Variants in CILK1 observed in about 807,000 individuals in gnomAD.
CILK1 encodes the protein serine/threonine-protein kinase ICK.
CILK1 carries 47 observed loss-of-function variants against 79.2 expected under a neutral mutation model. The ratio of observed to expected loss-of-function variants is 0.59; its 90% confidence interval spans 0.47 to 0.76. CILK1 has a LOEUF of 0.76. Ranked by LOEUF, CILK1 falls within the 30% of genes least tolerant of loss-of-function variation. The probability of loss-of-function intolerance (pLI) is 0.00; values close to 1 mark genes in which losing one functional copy is unlikely to be tolerated. For missense variants in CILK1, 660 were observed against 769.5 expected, an observed-to-expected ratio of 0.86 and a Z score of 1.68; for synonymous variants, 266 against 275.9, an observed-to-expected ratio of 0.96 and a Z score of 0.36.
In CILK1 at chr6:53,020,037, T is replaced by C. The variant is rs183061311; in HGVS notation, c.359-678A>G. On this transcript the variant is annotated intron_variant, in intron 5 of 13. Coordinates refer to ENST00000676107, the MANE Select transcript of CILK1 (RefSeq NM_014920.5). The stretch of plus-strand genomic sequence containing the variant: ...CAGAAACACAATTATAATTTTTGTT[T>C]AAGAAATAATTTATGAATATGACCT... 7.1e-4 allele frequency among the ~76,000 whole-genome samples: 108 copies of C among 152,238 alleles called. 1 individual carries two copies. The highest frequency in any genetic ancestry group is 6.9e-3 in the Admixed American group (105 of 15,278).
intron 5 of CILK1, among the ~76,000 whole-genome samples, chr6:53,023,962 A>G (rs1581707822): frequency 6.6e-6 from 1 of 152,350 alleles, no homozygotes; most frequent in Middle Eastern, 3.4e-3. Context: ...TCAAGAGGGC[A>G]TAAGTGAGAG....
Position 53,019,350 on chromosome 6 carries a change from T to A in CILK1, c.368A>T (p.His123Leu). Residue 123 changes from histidine to leucine, a missense_variant, in exon 6 of 14, where the codon CAT becomes CTT. Transcript: ENST00000676107. ...GAGGTTCTCAGGCTTTAAGTCTCGATGAAAGAAGCCTATAGAGACAGTAGA... is the reference window on the plus strand; with the variant it reads ...GAGGTTCTCAGGCTTTAAGTCTCGAAGAAAGAAGCCTATAGAGACAGTAGA... ...LAFIHKHGFF[H>L]RDLKPENLLC... 6.2e-7 allele frequency: 1 copy of A among 1,614,146 alleles called. No homozygotes were observed. Among genetic ancestry groups the A allele is most frequent in the South Asian group, 1.1e-5 (1 of 91,084 alleles).
At chr6:53,034,680 G>C (rs79126952) in intron 3 of CILK1, among the ~76,000 whole-genome samples, 117 of 152,282 alleles carry the variant, frequency 7.7e-4, no homozygotes, top group African/African-American at 2.7e-3. Flanking sequence ...AAGATGCAGT[G>C]CTTGCTCTTA....
chr6:53,032,709 T>C (rs1766051333), intron 3 of CILK1, 55 bp from the exon 4 acceptor site: 5 of 1,464,836 alleles, frequency 3.4e-6, no homozygotes, highest in South Asian at 1.2e-5. Context: ...AAATCTGTTG[T>C]TGAAAAAGAA....
At chr6:53,044,649 TCCCTCCTCCAAATTCACATGTTAAAG>T (rs1766941481) in intron 1 of CILK1, among the ~76,000 whole-genome samples, 1 of 152,076 alleles carries the variant, frequency 6.6e-6, no homozygotes. Context: ...CTGAATGATA[TCCCTCCTCCAAATTCACATGTTAAAG>T]CCCTAACCTC....
In CILK1 at chr6:53,004,599, C is replaced by T. The variant is rs1427369496; in HGVS notation, c.*550G>A. 1 of 153,718 alleles carries T rather than the reference C, an allele frequency of 6.5e-6. No individual in the cohort carries two copies. The highest frequency in any genetic ancestry group is 1.5e-5 in the Non-Finnish European group (1 of 68,844). 9.5% of individuals were successfully genotyped at this position (153,718 alleles called of 1,614,324 possible). Reference sequence around the variant, plus strand: ...ATCCAAAAATCAAACCAATGACCTACTAAGAAAAGCAGAGGATCACTTTTC... The same window carrying T: ...ATCCAAAAATCAAACCAATGACCTATTAAGAAAAGCAGAGGATCACTTTTC... On this transcript the variant is annotated 3_prime_UTR_variant, in exon 14 of 14. Coordinates refer to ENST00000676107, the MANE Select transcript of CILK1 (RefSeq NM_014920.5).
intron 5 of CILK1, among the ~76,000 whole-genome samples, chr6:53,029,212 T>G (rs1405597804): frequency 1.3e-5 from 2 of 152,232 alleles, no homozygotes; most frequent in African/African-American, 4.8e-5. Context: ...GAATTCTCAT[T>G]ATTTCTTTTC....
In CILK1 at chr6:53,041,240, G is replaced by A; in HGVS notation, c.-4C>T. On this transcript the variant is annotated 5_prime_UTR_variant, in exon 2 of 14. Transcript: ENST00000676107. ...TGATTGTTGTGTATCTATTCATGGT[G>A]TGCCTGCTCAGGCCGGACACTCATC... 6.2e-7 allele frequency: 1 copy of A among 1,608,436 alleles called. No individual in the cohort carries two copies. Among genetic ancestry groups the A allele is most frequent in the Non-Finnish European group, 8.5e-7 (1 of 1,175,372 alleles).
rs1763947209 is a variant in CILK1, at chr6:53,001,572, T to C, written c.*3577A>G. 1 of 152,652 alleles carries C rather than the reference T, an allele frequency of 6.6e-6. No individual in the cohort carries two copies. The highest frequency in any genetic ancestry group is 2.1e-4 in the South Asian group (1 of 4,838). The allele number at this position is 152,652 out of a possible 1,614,324, so 9.5% of individuals were successfully genotyped here. On this transcript the variant is annotated 3_prime_UTR_variant, in exon 14 of 14. Coordinates refer to ENST00000676107, the MANE Select transcript of CILK1 (RefSeq NM_014920.5). Reference sequence around the variant, plus strand: ...AGATCAGAAGACTTGATGCAGGTCATTTAAAATTCACATTAGCACAGTGTC... The same window carrying C: ...AGATCAGAAGACTTGATGCAGGTCACTTAAAATTCACATTAGCACAGTGTC...
intron 1 of CILK1, among the ~76,000 whole-genome samples, chr6:53,048,966 G>GCTTTGTCAAAGCCGCTTTGACAAAGAAGC (rs1314149959): frequency 2.0e-5 from 3 of 152,234 alleles, no homozygotes; most frequent in African/African-American, 7.2e-5. Flanking sequence ...CAAAGAAGCG[G>GCTTTGTCAAAGCCGCTTTGACAAAGAAGC]CATTGAACAT....
chr6:53,038,661 T>A (rs1766510573), intron 2 of CILK1, among the ~76,000 whole-genome samples: 1 of 152,216 alleles, frequency 6.6e-6, no homozygotes, highest in Non-Finnish European at 1.5e-5. Flanking sequence ...TTTGTGCAAT[T>A]CAAATTCCAG....
intron 12 of CILK1, among the ~76,000 whole-genome samples, chr6:53,007,663 C>T (rs541136556): frequency 4.3e-4 from 65 of 152,144 alleles, no homozygotes; most frequent in African/African-American, 1.5e-3. Flanking sequence ...GGCATGGTGG[C>T]TCACACTTGT....
Position 53,018,434 on chromosome 6 carries a change from C to G in CILK1, c.559G>C (p.Gly187Arg). 6.2e-7 allele frequency: 1 copy of G among 1,614,124 alleles called. No homozygotes were observed. Residue 187 changes from glycine to arginine, a missense_variant, in exon 7 of 14, where the codon GGC (glycine) becomes CGC (arginine). Coordinates refer to ENST00000676107, the MANE Select transcript of CILK1 (RefSeq NM_014920.5). ...GTGTAAACTTCTGCCATGATGCAGCCCACCGCCCAGACGTCAATGGGGGAG... is the reference window on the plus strand; with the variant it reads ...GTGTAAACTTCTGCCATGATGCAGCGCACCGCCCAGACGTCAATGGGGGAG... ...YSSPIDVWAV[G>R]CIMAEVYTLR...
intron 9 of CILK1, among the ~76,000 whole-genome samples, chr6:53,012,628 CT>C (rs1281516649): frequency 6.6e-6 from 1 of 151,914 alleles, no homozygotes; most frequent in East Asian, 1.9e-4. Flanking sequence ...GCAAATAATG[CT>C]TTTTTTTGCC....
Position 53,031,087 on chromosome 6 carries a change from T to C in CILK1, c.336A>G (p.Gly112=). 7.5e-6 allele frequency: 12 copies of C among 1,608,550 alleles called. No homozygotes were observed. The highest frequency in any genetic ancestry group is 1.0e-5 in the Non-Finnish European group (12 of 1,175,146). The change falls in exon 5 of 14, where the codon GGA becomes GGG. Residue 112 remains glycine, a synonymous_variant. Transcript: ENST00000676107. The part of the protein sequence containing the change: ...IRNIMYQILQ[G]LAFIHKHGFF... ...TACCGTGTTTGTGAATAAATGCGAG[T>C]CCTTGTAATATCTGATACATGATAT... is the stretch of plus-strand genomic sequence containing the variant.
chr6:53,012,652 A>G (rs1435600632), intron 9 of CILK1, among the ~76,000 whole-genome samples: 2 of 152,176 alleles, frequency 1.3e-5, no homozygotes, highest in East Asian at 1.9e-4. Context: ...CTCAGTATAT[A>G]TAGTTACTAT....
Position 53,038,054 on chromosome 6 carries a change from T to C in CILK1, c.102-61A>G, listed in dbSNP as rs742343. ...TCTCAGTAATAGGTTAAACTTTGCT[T>C]TTAGAAAAATGCTTCCATTCTGATC... is the stretch of plus-strand genomic sequence containing the variant. On this transcript the variant is annotated intron_variant, in intron 2 of 13. Transcript: ENST00000676107. 0.021 allele frequency: 24,106 copies of C among 1,143,834 alleles called. 775 individuals carry two copies. The highest frequency in any genetic ancestry group is 0.14 in the African/African-American group (9,027 of 65,862). 70.9% of individuals were successfully genotyped at this position (1,143,834 alleles called of 1,614,324 possible).
At chr6:53,016,344 A>G (rs1014537818) in intron 7 of CILK1, 94 bp from the exon 8 acceptor site, 2 of 1,216,926 alleles carry the variant, frequency 1.6e-6, no homozygotes, top group Non-Finnish European at 1.2e-6. Flanking sequence ...AAAGGCAACC[A>G]TGTCATTACC....
At chr6:53,045,104 T>C (rs533548922) in intron 1 of CILK1, among the ~76,000 whole-genome samples, 157 of 152,322 alleles carry the variant, frequency 1.0e-3, no homozygotes, top group African/African-American at 3.6e-3. Context: ...GATACAGGCA[T>C]CTTAAATGTT....
Sources: allele counts gnomAD v4.1 joint callset (sites outside exome capture counted in the v4.1 genomes callset), GRCh38; gene constraint gnomAD v4.1.1; transcripts MANE v1.5; gene names NCBI Gene and HGNC (gene_info 2026-07-23, HGNC 2026-07-21).